PTER: variants seen among roughly 807,000 people sequenced by gnomAD.
PTER encodes the protein N-acetyltaurine hydrolase.
A neutral mutation model predicts 29.6 loss-of-function variants in PTER; 38 were observed. The ratio of observed to expected loss-of-function variants is 1.28; its 90% confidence interval spans 0.99 to 1.68. The LOEUF is 1.68. PTER is among the 40% of genes most tolerant of loss of function. The pLI is 0.00. For synonymous variants in PTER, 172 were observed against 154.5 expected, an observed-to-expected ratio of 1.11 and a Z score of -0.84; for missense variants, 482 against 427.8, an observed-to-expected ratio of 1.13 and a Z score of -1.12.
chr10:16,505,267 C>A, intron 4 of PTER, 107 bp downstream of exon 4: 1 of 1,368,720 alleles, frequency 7.3e-7, no homozygotes, highest in East Asian at 2.3e-5. Context: ...GCAGGCCGAA[C>A]CACAGACTTG....
intron 1 of PTER, among the ~76,000 whole-genome samples, chr10:16,478,986 C>A (rs893269259): frequency 1.3e-5 from 2 of 152,080 alleles, no homozygotes; most frequent in East Asian, 1.9e-4. Flanking sequence ...AGGCCTTTTC[C>A]CAGCACTGTC....
Position 16,513,178 on chromosome 10 carries a change from A to ATAAATT in PTER, c.*1922_*1923insTAAATT, listed in dbSNP as rs1836877434. ...CTTAACTTACAGACCTGTGAAATAAAGGGCATTTTGACCTAATACAATTAA... is the reference window on the plus strand; with the variant it reads ...CTTAACTTACAGACCTGTGAAATAAATAAATTGGGCATTTTGACCTAATACAATTAA... On this transcript the variant is annotated 3_prime_UTR_variant, in exon 5 of 5. Coordinates refer to ENST00000535784, the MANE Select transcript of PTER (RefSeq NM_001261836.2). 6.6e-6 allele frequency: 1 copy of ATAAATT among 152,346 alleles called. No homozygotes were observed. Among genetic ancestry groups the ATAAATT allele is most frequent in the South Asian group, 2.1e-4 (1 of 4,826 alleles). The allele number at this position is 152,346 out of a possible 1,614,324, so 9.4% of individuals were successfully genotyped here.
chr10:16,444,014 T>G (rs902737706), intron 1 of PTER, among the ~76,000 whole-genome samples: 1 of 151,612 alleles, frequency 6.6e-6, no homozygotes, highest in African/African-American at 2.4e-5. Flanking sequence ...CTTTTTTTTT[T>G]TTTTTTGAGA....
chr10:16,463,198 T>TAAA (rs535136619), intron 1 of PTER, among the ~76,000 whole-genome samples: 13 of 79,388 alleles, frequency 1.6e-4, no homozygotes, highest in African/African-American at 1.9e-4. Flanking sequence ...AGACTCTGTC[T>TAAA]AAAAAAAAAA....
chr10:16,454,147 C>T lies in PTER; in HGVS notation c.-49+17100C>T, dbSNP rs1339705970. Among the ~76,000 whole-genome samples the T allele has an allele frequency of 2.0e-5, 3 of 152,280 alleles. No homozygotes were observed. The East Asian group carries it at 5.8e-4, about 29-fold the overall frequency. On this transcript the variant is annotated intron_variant, in intron 1 of 4. Coordinates refer to ENST00000535784, the MANE Select transcript of PTER (RefSeq NM_001261836.2). ...TTTTTGGAGTACAGTGAAATAGCAT[C>T]CACTTTTATTTTAAATTACAGAAAT...
Position 16,506,587 on chromosome 10 carries a change from G to A in PTER, c.839+1427G>A, listed in dbSNP as rs964478495. Among the ~76,000 whole-genome samples the A allele has an allele frequency of 3.9e-5, 6 of 152,124 alleles. No individual in the cohort carries two copies. In the South Asian group the frequency reaches 1.2e-3, roughly 32 times the overall value. ...AAGGTTCCTAAGGCAACAAATAGAT[G>A]GAATCTGGGGAACAAATAGAAAGTC... is the stretch of plus-strand genomic sequence containing the variant. On this transcript the variant is annotated intron_variant, in intron 4 of 4. Coordinates refer to ENST00000535784, the MANE Select transcript of PTER (RefSeq NM_001261836.2).
In PTER at chr10:16,453,727, A is replaced by G. The variant is rs931374333; in HGVS notation, c.-49+16680A>G. On this transcript the variant is annotated intron_variant, in intron 1 of 4. Transcript: ENST00000535784. ...AAAATTCATATAAAGAAAGATATCA[A>G]TGGTTTTCACATTCCTTGTAACAAA... is the stretch of plus-strand genomic sequence containing the variant. Among the ~76,000 whole-genome samples the G allele has an allele frequency of 5.9e-5, 9 of 152,216 alleles. No homozygotes were observed. The East Asian group carries it at 1.7e-3, about 29-fold the overall frequency.
At chr10:16,498,457 C>T (rs969695136) in intron 3 of PTER, among the ~76,000 whole-genome samples, 1 of 152,080 alleles carries the variant, frequency 6.6e-6, no homozygotes, top group African/African-American at 2.4e-5. Flanking sequence ...GTGGTGGGCA[C>T]TTGTAATCCC....
downstream of PTER, among the ~76,000 whole-genome samples, chr10:16,518,606 A>G (rs1836988587): frequency 6.6e-6 from 1 of 152,228 alleles, no homozygotes; most frequent in African/African-American, 2.4e-5. Flanking sequence ...AGCAGTCTAG[A>G]CATCAACATT....
chr10:16,480,848 G>A (rs11812690), intron 1 of PTER, among the ~76,000 whole-genome samples: 2,648 of 152,280 alleles, frequency 0.017, 69 homozygotes, highest in African/African-American at 0.06. Flanking sequence ...AATTGTCTAA[G>A]TATTTTGTAG....
chr10:16,487,334 A>G (rs544811528), intron 3 of PTER, among the ~76,000 whole-genome samples: 2 of 152,282 alleles, frequency 1.3e-5, no homozygotes, highest in South Asian at 2.1e-4. Flanking sequence ...TGCTTCTTCC[A>G]TAGCCTCAGA....
At chr10:16,480,394 T>C (rs1387591067) in intron 1 of PTER, among the ~76,000 whole-genome samples, 1 of 151,852 alleles carries the variant, frequency 6.6e-6, no homozygotes, top group Non-Finnish European at 1.5e-5. Context: ...CAGGGTTTCA[T>C]CATGCTGGCC....
chr10:16,499,631 A>G (rs1836254025), intron 3 of PTER, among the ~76,000 whole-genome samples: 1 of 151,830 alleles, frequency 6.6e-6, no homozygotes, highest in Admixed American at 6.6e-5. Context: ...TTTGTTAGAA[A>G]TGGGGTTTTG....
At chr10:16,483,121 T>G (rs1444425383) in intron 1 of PTER, among the ~76,000 whole-genome samples, 1 of 152,188 alleles carries the variant, frequency 6.6e-6, no homozygotes, top group Non-Finnish European at 1.5e-5. Context: ...TAAAAGGAAA[T>G]GTACTTTTAA....
intron 1 of PTER, among the ~76,000 whole-genome samples, chr10:16,483,413 C>T (rs1175374253): frequency 2.0e-5 from 3 of 152,138 alleles, no homozygotes; most frequent in Admixed American, 2.0e-4. Context: ...GTGTGCTCCT[C>T]AGTTGTTTTG....
chr10:16,442,932 A>G (rs1193287883), intron 1 of PTER, among the ~76,000 whole-genome samples: 1 of 152,144 alleles, frequency 6.6e-6, no homozygotes, highest in Non-Finnish European at 1.5e-5. Flanking sequence ...AGATTGTGCC[A>G]CTGCATACCA....
At chr10:16,501,365 A>G (rs1017719471) in intron 3 of PTER, among the ~76,000 whole-genome samples, 21 of 71,218 alleles carry the variant, frequency 2.9e-4, no homozygotes, top group East Asian at 2.2e-3. Context: ...ACACACACAC[A>G]CACATGCACA....
chr10:16,491,412 A>G (rs1413456093), intron 3 of PTER, among the ~76,000 whole-genome samples: 1 of 152,164 alleles, frequency 6.6e-6, no homozygotes, highest in Non-Finnish European at 1.5e-5. Flanking sequence ...CTGAAGTTTG[A>G]CTGGGTCAGC....
chr10:16,508,482 G>A (rs1012603864), intron 4 of PTER, among the ~76,000 whole-genome samples: 17 of 152,126 alleles, frequency 1.1e-4, no homozygotes, highest in Admixed American at 3.9e-4. Context: ...CCTGTGTCTC[G>A]CATGAGGCTC....
Sources: gnomAD v4.1 joint callset for allele counts (sites outside exome capture counted in the v4.1 genomes callset) on GRCh38, gnomAD v4.1.1 for gene constraint, MANE v1.5 for transcripts, NCBI Gene and HGNC (gene_info 2026-07-23, HGNC 2026-07-21) for gene names.